The following KATNIP variants were observed in gnomAD, a reference collection of about 807,000 sequenced individuals.
KATNIP encodes the protein katanin-interacting protein.
A neutral mutation model predicts 174.0 loss-of-function variants in KATNIP; 126 were observed. That is an observed-to-expected ratio of 0.72 (90% CI 0.63 to 0.84). The LOEUF (loss-of-function observed/expected upper bound fraction) is 0.84, where lower values mean the gene tolerates loss of function less well. Among genes scored for constraint, KATNIP ranks in the 40% least tolerant of loss-of-function variants. KATNIP has a pLI of 0.00. For missense variants in KATNIP, 1,958 were observed against 2,109.7 expected, an observed-to-expected ratio of 0.93 and a Z score of 1.41; for synonymous variants, 810 against 835.7, an observed-to-expected ratio of 0.97 and a Z score of 0.53.
intron 6 of KATNIP, among the ~76,000 whole-genome samples, chr16:27,651,056 C>T (rs1269266548): frequency 6.6e-6 from 1 of 152,172 alleles, no homozygotes; most frequent in Non-Finnish European, 1.5e-5. Flanking sequence ...TGTATGTGCC[C>T]TTCAAGCAAG....
chr16:27,605,851 C>A (rs1045882388), intron 2 of KATNIP, among the ~76,000 whole-genome samples: 5 of 152,070 alleles, frequency 3.3e-5, no homozygotes, highest in Non-Finnish European at 5.9e-5. Context: ...AGGCTCAGGT[C>A]AGGTGCGGTG....
At chr16:27,602,103 C>G (rs185223580) in intron 2 of KATNIP, among the ~76,000 whole-genome samples, 1 of 152,154 alleles carries the variant, frequency 6.6e-6, no homozygotes, top group Non-Finnish European at 1.5e-5. Context: ...CAGCTTGTCT[C>G]TTCTCAATTA....
At chr16:27,587,829 A>G (rs2090956472) in intron 2 of KATNIP, among the ~76,000 whole-genome samples, 1 of 152,048 alleles carries the variant, frequency 6.6e-6, no homozygotes, top group Admixed American at 6.5e-5. Flanking sequence ...GAAAAATCCT[A>G]AGATGATCCA....
rs571968660 is a variant in KATNIP, at chr16:27,703,474, G to C, written c.1287-422G>C. 2.6e-5 allele frequency among the ~76,000 whole-genome samples: 4 copies of C among 152,304 alleles called. No individual in the cohort carries two copies. In the East Asian group the frequency reaches 7.7e-4, roughly 29 times the overall value. ...GGGCCAGATAGTAAATATGCTTTGC[G>C]GTTGGTTTTGTTGTTGTTATTGTTG... On this transcript the variant is annotated intron_variant, in intron 11 of 27. Coordinates refer to ENST00000261588, the MANE Select transcript of KATNIP (RefSeq NM_015202.5).
chr16:27,584,723 G>A (rs1037131619), intron 2 of KATNIP, among the ~76,000 whole-genome samples: 8 of 152,104 alleles, frequency 5.3e-5, no homozygotes, highest in Non-Finnish European at 5.9e-5. Context: ...CCCATGAGGC[G>A]GAGGTTGCAG....
chr16:27,632,997 G>C (rs1373380661), intron 5 of KATNIP, among the ~76,000 whole-genome samples: 2 of 152,230 alleles, frequency 1.3e-5, no homozygotes, highest in South Asian at 2.1e-4. Flanking sequence ...TGATCCGCCC[G>C]CCTCAACCTG....
At chr16:27,559,916 G>A (rs1278189079) in intron 1 of KATNIP, among the ~76,000 whole-genome samples, 2 of 152,044 alleles carry the variant, frequency 1.3e-5, no homozygotes, top group Non-Finnish European at 2.9e-5. Flanking sequence ...AGGAGGCAAA[G>A]GTTGCAGTGA....
intron 4 of KATNIP, among the ~76,000 whole-genome samples, chr16:27,630,239 C>T (rs2076446385): frequency 6.6e-6 from 1 of 152,172 alleles, no homozygotes; most frequent in African/African-American, 2.4e-5. Context: ...ACCTCTCTGA[C>T]CCTCAGTTTC....
At chr16:27,698,521 G>A (rs199999660) in intron 9 of KATNIP, 21 bp downstream of exon 9, 2 of 1,588,686 alleles carry the variant, frequency 1.3e-6, no homozygotes, top group East Asian at 2.3e-5. Flanking sequence ...GGCTGGGAGA[G>A]GAACCGGGGG....
intron 1 of KATNIP, among the ~76,000 whole-genome samples, chr16:27,560,371 C>T (rs2089829486): frequency 6.6e-6 from 1 of 151,980 alleles, no homozygotes; most frequent in South Asian, 2.1e-4. Context: ...GGGCCCTCAG[C>T]ACTTTCTTGT....
chr16:27,738,291 G>C (rs926020894), intron 14 of KATNIP, among the ~76,000 whole-genome samples: 1 of 152,072 alleles, frequency 6.6e-6, no homozygotes. Context: ...AGGGGAGACA[G>C]GGGTTACCAA....
chr16:27,761,740 G>A (rs2081963103), intron 19 of KATNIP, 150 bp downstream of exon 19: 2 of 719,634 alleles, frequency 2.8e-6, no homozygotes, highest in East Asian at 2.7e-5. Flanking sequence ...GGGAAACCGA[G>A]GCTCAGGAAA....
At chr16:27,750,386 G>A in intron 16 of KATNIP, 80 bp downstream of exon 16, 1 of 1,421,812 alleles carries the variant, frequency 7.0e-7, no homozygotes, top group South Asian at 1.4e-5. Flanking sequence ...CAGACCAGCT[G>A]GCTAGCCAAC....
chr16:27,637,543 G>A lies in KATNIP; in HGVS notation c.408+6381G>A, dbSNP rs1305084587. ...AGGTGGGCAGCACAGCCTCCCAAGG[G>A]GCCGCATCGCAGCCAGGGCCTGAGA... On this transcript the variant is annotated intron_variant, in intron 5 of 27. Transcript: ENST00000261588. The surrounding 1 kb of genome is among the most constrained non-coding windows in gnomAD (Gnocchi z 4.7). 6.6e-6 allele frequency among the ~76,000 whole-genome samples: 1 copy of A among 152,166 alleles called. No individual in the cohort carries two copies. Among genetic ancestry groups the A allele is most frequent in the Non-Finnish European group, 1.5e-5 (1 of 68,028 alleles).
intron 2 of KATNIP, among the ~76,000 whole-genome samples, chr16:27,613,877 C>T (rs868719598): frequency 1.3e-5 from 2 of 152,208 alleles, no homozygotes; most frequent in Non-Finnish European, 2.9e-5. Flanking sequence ...TCTGTAGGCA[C>T]CTCCAGAAGC....
chr16:27,618,633 A>G lies in KATNIP; in HGVS notation c.140+132A>G, dbSNP rs1325573007. The G allele has an allele frequency of 6.4e-6, 4 of 623,916 alleles. No individual in the cohort carries two copies. The Admixed American group carries it at 7.9e-5, about 12-fold the overall frequency. The allele number at this position is 623,916 out of a possible 1,614,324, so 38.6% of individuals were successfully genotyped here. ...GTCCCCCTCCACTCAGAGGCTTAGA[A>G]TATTATCTGCAACCCCAGCTCCTAT... On this transcript the variant is annotated intron_variant, in intron 3 of 27. Coordinates refer to ENST00000261588, the MANE Select transcript of KATNIP (RefSeq NM_015202.5).
rs977418997 is a variant in KATNIP at position 27,766,379 on chromosome 16, G to A, written c.3880G>A (p.Asp1294Asn). 6.2e-7 allele frequency: 1 copy of A among 1,614,176 alleles called. No homozygotes were observed. Among genetic ancestry groups the A allele is most frequent in the African/African-American group, 1.3e-5 (1 of 75,062 alleles). Residue 1294 changes from aspartate (D) to asparagine (N), a missense_variant, in exon 20 of 28, where the codon GAC (aspartate) becomes AAC (asparagine). Transcript: ENST00000261588. ...MWLIPFSPGL[D>N]HVVTIRLDRA... ...GCTGATCCCCTTCTCGCCGGGGCTG[G>A]ACCATGTGGTCACGATCCGCCTGGA...
At chr16:27,727,446 G>A (rs181353124) in intron 14 of KATNIP, 639 of 152,864 alleles carry the variant, frequency 4.2e-3, no homozygotes, top group Non-Finnish European at 6.6e-3. Context: ...GGGATTACAG[G>A]CGTGAGCCAC....
At chr16:27,744,126 A>G (rs1002375280) in intron 15 of KATNIP, among the ~76,000 whole-genome samples, 12 of 152,230 alleles carry the variant, frequency 7.9e-5, no homozygotes, top group African/African-American at 2.4e-4. Context: ...CAAATACCGT[A>G]GCCATGCCCT....
Sources: allele counts gnomAD v4.1 joint callset (sites outside exome capture counted in the v4.1 genomes callset), GRCh38; gene constraint gnomAD v4.1.1; non-coding constraint Gnocchi (gnomAD v3.1); transcripts MANE v1.5; gene names NCBI Gene and HGNC (gene_info 2026-07-23, HGNC 2026-07-21).